SYT17: variants seen among roughly 807,000 people sequenced by gnomAD.
The protein encoded by SYT17 is synaptotagmin 17, also known as synaptotagmin-17.
Under a neutral mutation model 46.7 loss-of-function variants are expected in SYT17, and 22 were observed. That is an observed-to-expected ratio of 0.47 (90% CI 0.34 to 0.67). The LOEUF (loss-of-function observed/expected upper bound fraction) is 0.67. SYT17 is among the 30% of genes least tolerant of loss of function. The pLI, the probability that SYT17 is intolerant of heterozygous loss-of-function variation, is 0.01. For synonymous variants in SYT17, 251 were observed against 248.4 expected (o/e 1.01, Z -0.10); for missense variants, 519 against 612.8 (o/e 0.85, Z 1.62).
Position 19,183,684 on chromosome 16 carries a change from C to A in SYT17, c.488C>A (p.Ser163Tyr). ...AGGAAGTTCGAACCCCACCTGTACTCCCTCGACTCCAACAGCGACGATGTG... is the reference window on the plus strand; with the variant it reads ...AGGAAGTTCGAACCCCACCTGTACTACCTCGACTCCAACAGCGACGATGTG... ...YFRKFEPHLY[S>Y]LDSNSDDVDS... Residue 163 changes from serine to tyrosine, a missense_variant, in exon 5 of 8, where the codon TCC becomes TAC. By Grantham distance (144) the Ser-to-Tyr change is moderately radical. Transcript: ENST00000355377. The surrounding 1 kb of genome is among the most constrained non-coding windows in gnomAD (Gnocchi z 5.6). 1 of 1,614,208 alleles carries A rather than the reference C, an allele frequency of 6.2e-7. No individual in the cohort carries two copies.
At position 19,172,983 on chromosome 16, in the gene SYT17, C is replaced by T. The variant is rs967445576; in HGVS notation, c.33+206C>T. ...TTGACAAGACAAGTTTCCCTCTCCACCCCTACTTATTCCGTTTGATTATCT... is the reference window on the plus strand; with the variant it reads ...TTGACAAGACAAGTTTCCCTCTCCATCCCTACTTATTCCGTTTGATTATCT... On this transcript the variant is annotated intron_variant, in intron 2 of 7. Transcript: ENST00000355377. 22 of 625,770 alleles carry T rather than the reference C, an allele frequency of 3.5e-5. 1 individual carries two copies. The highest frequency in any genetic ancestry group is 1.9e-4 in the East Asian group (7 of 36,284). 38.8% of individuals were successfully genotyped at this position (625,770 alleles called of 1,614,324 possible). A position where few individuals can be genotyped will look rare whatever the true frequency, so the allele number is the denominator to read the frequency against.
intron 7 of SYT17, among the ~76,000 whole-genome samples, chr16:19,266,387 A>G (rs1969356893): frequency 6.6e-6 from 1 of 152,380 alleles, no homozygotes. Context: ...AACTTCCTAC[A>G]GTCCACAGGA....
At chr16:19,209,026 C>T (rs1415865012) in intron 5 of SYT17, among the ~76,000 whole-genome samples, 1 of 151,548 alleles carries the variant, frequency 6.6e-6, no homozygotes. Context: ...CACCACCACA[C>T]CTGCCTAATT....
intron 5 of SYT17, among the ~76,000 whole-genome samples, chr16:19,207,861 G>T (rs1248230296): frequency 6.6e-6 from 1 of 151,940 alleles, no homozygotes; most frequent in East Asian, 1.9e-4. Context: ...TCACACCACT[G>T]CACTCCAGCT....
intron 7 of SYT17, among the ~76,000 whole-genome samples, chr16:19,235,448 A>G (rs115165213): frequency 2.4e-3 from 363 of 152,342 alleles, no homozygotes; most frequent in African/African-American, 8.5e-3. Context: ...TTCCATGTCA[A>G]TTTCTTAAAA....
At position 19,266,976 on chromosome 16, in the gene SYT17, G is replaced by T. The variant is rs745673988; in HGVS notation, c.1325G>T (p.Arg442Leu). 1.7e-5 allele frequency: 27 copies of T among 1,613,638 alleles called. No individual in the cohort carries two copies. Among genetic ancestry groups the T allele is most frequent in the Middle Eastern group, 1.7e-4 (1 of 6,014 alleles). The change falls in exon 8 of 8, where the codon CGC becomes CTC. Residue 442 changes from arginine (R) to leucine (L), a missense_variant. Coordinates refer to ENST00000355377, the MANE Select transcript of SYT17 (RefSeq NM_016524.4). The part of the protein sequence containing the change: ...SGPSETNHWR[R>L]MLNTHRTAVE... Reference sequence around the variant, plus strand: ...CCCTCTGAGACCAACCACTGGAGGCGCATGCTCAACACGCACCGCACAGCC... The same window carrying T: ...CCCTCTGAGACCAACCACTGGAGGCTCATGCTCAACACGCACCGCACAGCC...
intron 1 of SYT17, chr16:19,169,667 C>T (rs576942608): frequency 6.6e-6 from 1 of 152,404 alleles, no homozygotes; most frequent in Admixed American, 6.5e-5. Context: ...CTCTTCCATT[C>T]ATCTCCTGCC....
chr16:19,198,357 T>C (rs774510886), intron 5 of SYT17, among the ~76,000 whole-genome samples: 1 of 152,178 alleles, frequency 6.6e-6, no homozygotes, highest in Non-Finnish European at 1.5e-5. Context: ...AGTGGTGCCA[T>C]ATCATGGTCA....
At chr16:19,180,111 C>A (rs1390916554) in intron 3 of SYT17, 22 of 355,954 alleles carry the variant, frequency 6.2e-5, no homozygotes, top group African/African-American at 3.9e-4. Flanking sequence ...GACAGCTTAA[C>A]TTTACACAGC....
intron 7 of SYT17, among the ~76,000 whole-genome samples, chr16:19,265,722 T>C (rs1416826870): frequency 6.6e-6 from 1 of 152,250 alleles, no homozygotes; most frequent in Non-Finnish European, 1.5e-5. Context: ...ATTAGTGAGA[T>C]GGCATGCCTG....
chr16:19,172,278 T>C, intron 1 of SYT17: 6 of 1,200,632 alleles, frequency 5.0e-6, no homozygotes, highest in Admixed American at 4.0e-5. Flanking sequence ...ACCATCACCA[T>C]TGGAGCAGAA....
chr16:19,268,279 C>G lies in SYT17; in HGVS notation c.*1203C>G, dbSNP rs1017513549. 2 of 152,032 alleles carry G rather than the reference C, an allele frequency of 1.3e-5. No homozygotes were observed. The highest frequency in any genetic ancestry group is 2.9e-5 in the Non-Finnish European group (2 of 68,028). The allele number at this position is 152,032 out of a possible 1,614,324, so 9.4% of individuals were successfully genotyped here. ...TGTATCTTTTTCCACAGCATAATGT[C>G]TGGTGTGATGGGGAGCTATTTATTG... On this transcript the variant is annotated 3_prime_UTR_variant, in exon 8 of 8. Transcript: ENST00000355377.
intron 3 of SYT17, among the ~76,000 whole-genome samples, chr16:19,175,376 G>A (rs545136336): frequency 5.2e-4 from 79 of 152,026 alleles, no homozygotes; most frequent in African/African-American, 1.7e-3. Flanking sequence ...ATTCACAGCC[G>A]GGTGCCGTGG....
chr16:19,239,296 A>G (rs556820218), intron 7 of SYT17, among the ~76,000 whole-genome samples: 4 of 151,706 alleles, frequency 2.6e-5, no homozygotes, highest in African/African-American at 9.7e-5. Context: ...TAATTAATTA[A>G]TTAATTAAAC....
intron 7 of SYT17, among the ~76,000 whole-genome samples, chr16:19,240,941 C>CTTT (rs970503158): frequency 3.3e-3 from 323 of 98,782 alleles, no homozygotes; most frequent in Middle Eastern, 8.5e-3. Context: ...AGGCTCAGTT[C>CTTT]TTTTTTTTTT....
chr16:19,209,264 C>CATGTA (rs1965796608), intron 5 of SYT17, among the ~76,000 whole-genome samples: 1 of 152,106 alleles, frequency 6.6e-6, no homozygotes, highest in Admixed American at 6.6e-5. Flanking sequence ...CCCATAAAAA[C>CATGTA]ATGTAATTGC....
At chr16:19,224,292 A>C (rs1171862775) in intron 6 of SYT17, among the ~76,000 whole-genome samples, 1 of 152,176 alleles carries the variant, frequency 6.6e-6, no homozygotes, top group African/African-American at 2.4e-5. Flanking sequence ...AAATGAACAC[A>C]ATGCTGACAT....
intron 5 of SYT17, among the ~76,000 whole-genome samples, chr16:19,204,464 C>T (rs1206972074): frequency 2.0e-5 from 3 of 151,934 alleles, no homozygotes; most frequent in Admixed American, 1.3e-4. Flanking sequence ...CAGCTTTCGG[C>T]GTTGAGGTGC....
chr16:19,197,493 G>C (rs979442517), intron 5 of SYT17, among the ~76,000 whole-genome samples: 5 of 151,884 alleles, frequency 3.3e-5, no homozygotes, highest in African/African-American at 9.7e-5. Context: ...CTGTTGCCCA[G>C]AATGGAGTGC....
Sources: gnomAD v4.1 joint callset for allele counts (sites outside exome capture counted in the v4.1 genomes callset) on GRCh38, gnomAD v4.1.1 for gene constraint, Gnocchi (gnomAD v3.1) non-coding constraint, MANE v1.5 for transcripts, NCBI Gene and HGNC (gene_info 2026-07-23, HGNC 2026-07-21) for gene names.